The following CHML variants were observed in gnomAD, a reference collection of about 807,000 sequenced individuals.
The protein encoded by CHML is CHM like Rab escort protein, also known as rab proteins geranylgeranyltransferase component A 2.
CHML carries 20 observed loss-of-function variants against 30.4 expected under a neutral mutation model. That is an observed-to-expected ratio of 0.66 (90% CI 0.46 to 0.95). The LOEUF is 0.95. Ranked by LOEUF, CHML falls within the 40% of genes least tolerant of loss-of-function variation. The pLI is 0.00. For synonymous variants in CHML, 281 were observed against 275.0 expected (o/e 1.02, Z -0.22); for missense variants, 795 against 768.5 (o/e 1.03, Z -0.41).
rs773796568 is a variant in CHML, at chr1:241,634,069, C to T, written c.1698G>A (p.Ser566=). The T allele has an allele frequency of 9.9e-6, 16 of 1,611,912 alleles. No individual in the cohort carries two copies. Among genetic ancestry groups the T allele is most frequent in the Admixed American group, 8.4e-5 (5 of 59,604 alleles). ...AAACATTGGAAGGCAAGCCATTATA[C>T]GAGCTTCTGCTGATTCCCGAGGAAT... is the stretch of plus-strand genomic sequence containing the variant. ...MRDSSGISRS[S]YNGLPSNVYV... Residue 566 remains serine, a synonymous_variant, in exon 2 of 2, where the codon TCG becomes TCA. Coordinates refer to ENST00000366553, the MANE Select transcript of CHML (RefSeq NM_001381853.1).
rs567249722 is a variant in CHML at position 241,640,108 on chromosome 1, G to A, written c.-534C>T. The A allele has an allele frequency of 1.3e-5, 21 of 1,604,690 alleles. 2 individuals carry two copies. The Admixed American group carries it at 2.4e-4, about 18-fold the overall frequency. On this transcript the variant is annotated 5_prime_UTR_variant, in exon 1 of 2. Transcript: ENST00000366553. ...TGCCGACGCCCAGCAGCCCAATGGAGCCCAGCAGCAGCGCCAGGCGCTCGT... is the reference window on the plus strand; with the variant it reads ...TGCCGACGCCCAGCAGCCCAATGGAACCCAGCAGCAGCGCCAGGCGCTCGT...
chr1:241,639,961 G>A lies in CHML; in HGVS notation c.-387C>T, dbSNP rs1318437132. On this transcript the variant is annotated 5_prime_UTR_variant, in exon 1 of 2. Coordinates refer to ENST00000366553, the MANE Select transcript of CHML (RefSeq NM_001381853.1). ...AGCCGTTCCTCAGGCAGGACACGAAGGTAAAGGTGACCCCGAAGAGGGACA... is the reference window on the plus strand; with the variant it reads ...AGCCGTTCCTCAGGCAGGACACGAAAGTAAAGGTGACCCCGAAGAGGGACA... 6.2e-7 allele frequency: 1 copy of A among 1,611,822 alleles called. No homozygotes were observed. The highest frequency in any genetic ancestry group is 1.7e-5 in the Admixed American group (1 of 59,774).
rs1054657391 is a variant in CHML at position 241,630,943 on chromosome 1, T to C, written c.*2853A>G. The C allele has an allele frequency of 2.6e-4, 40 of 152,134 alleles. No individual in the cohort carries two copies. Among genetic ancestry groups the C allele is most frequent in the African/African-American group, 8.4e-4 (35 of 41,450 alleles). 9.4% of individuals were successfully genotyped at this position (152,134 alleles called of 1,614,324 possible). A position where few individuals can be genotyped will look rare whatever the true frequency, so the allele number is the denominator to read the frequency against. On this transcript the variant is annotated 3_prime_UTR_variant, in exon 2 of 2. Transcript: ENST00000366553. ...TGTATTGTTTGCCAATATTTTATTTTGCATTTTGCATCTGTTGAGAATAAA... is the reference window on the plus strand; with the variant it reads ...TGTATTGTTTGCCAATATTTTATTTCGCATTTTGCATCTGTTGAGAATAAA...
Position 241,630,507 on chromosome 1 carries a change from TAC to T in CHML, c.*3287_*3288del, listed in dbSNP as rs1209866619. 2.6e-5 allele frequency: 4 copies of T among 152,106 alleles called. No individual in the cohort carries two copies. Among genetic ancestry groups the T allele is most frequent in the Admixed American group, 2.6e-4 (4 of 15,268 alleles). 9.4% of individuals were successfully genotyped at this position (152,106 alleles called of 1,614,324 possible). A position where few individuals can be genotyped will look rare whatever the true frequency, so the allele number is the denominator to read the frequency against. ...AACTTCTTGAATTAGTCTTTGTTAG[TAC>T]ATTTTTATACTATAAGTTTTAGCAG... On this transcript the variant is annotated 3_prime_UTR_variant, in exon 2 of 2. Coordinates refer to ENST00000366553, the MANE Select transcript of CHML (RefSeq NM_001381853.1).
In CHML at chr1:241,640,253, A is replaced by C; in HGVS notation, c.-679T>G. 2 of 1,219,550 alleles carry C rather than the reference A, an allele frequency of 1.6e-6. No individual in the cohort carries two copies. Among genetic ancestry groups the C allele is most frequent in the Non-Finnish European group, 2.0e-6 (2 of 982,424 alleles). 75.5% of individuals were successfully genotyped at this position (1,219,550 alleles called of 1,614,324 possible). ...GCCGCCGCTGCGGTTCCCCGAGTAC[A>C]TGGCCCGGCGCCGGCGCGCCTGGCG... is the stretch of plus-strand genomic sequence containing the variant. On this transcript the variant is annotated 5_prime_UTR_variant, in exon 1 of 2. The change abolishes an upstream ATG in the 5' untranslated region. Transcript: ENST00000366553.
chr1:241,633,727 T>C lies in CHML; in HGVS notation c.*69A>G. 6.5e-7 allele frequency: 1 copy of C among 1,533,176 alleles called. No individual in the cohort carries two copies. Among genetic ancestry groups the C allele is most frequent in the Non-Finnish European group, 8.9e-7 (1 of 1,121,558 alleles). The allele number at this position is 1,533,176 out of a possible 1,614,324, so 95.0% of individuals were successfully genotyped here. A position where few individuals can be genotyped will look rare whatever the true frequency, so the allele number is the denominator to read the frequency against. On this transcript the variant is annotated 3_prime_UTR_variant, in exon 2 of 2. Coordinates refer to ENST00000366553, the MANE Select transcript of CHML (RefSeq NM_001381853.1). ...ACTTCTAATTACTCATATGGGAAAC[T>C]GTCCTTTAAATGAGAAAATTCTGAT...
rs1437148769 is a variant in CHML at position 241,639,967 on chromosome 1, G to A, written c.-393C>T. 1 of 1,612,018 alleles carries A rather than the reference G, an allele frequency of 6.2e-7. No individual in the cohort carries two copies. Among genetic ancestry groups the A allele is most frequent in the African/African-American group, 1.3e-5 (1 of 74,704 alleles). On this transcript the variant is annotated 5_prime_UTR_variant, in exon 1 of 2. Transcript: ENST00000366553. ...TCCTCAGGCAGGACACGAAGGTAAA[G>A]GTGACCCCGAAGAGGGACACCAGCA...
Position 241,629,772 on chromosome 1 carries a change from A to G in CHML, c.*4024T>C, listed in dbSNP as rs1664549446. On this transcript the variant is annotated 3_prime_UTR_variant, in exon 2 of 2. Coordinates refer to ENST00000366553, the MANE Select transcript of CHML (RefSeq NM_001381853.1). ...ATCTAATCTTTCCACACTGACATCT[A>G]GCTAGTCTTTCCACCAGCAGTTATT... The G allele has an allele frequency of 6.6e-6, 1 of 152,124 alleles. No individual in the cohort carries two copies. Among genetic ancestry groups the G allele is most frequent in the Non-Finnish European group, 1.5e-5 (1 of 67,972 alleles). The allele number at this position is 152,124 out of a possible 1,614,324, so 9.4% of individuals were successfully genotyped here.
chr1:241,631,371 G>T lies in CHML; in HGVS notation c.*2425C>A, dbSNP rs1338984357. ...ACTGAAAATCTTTTCGGTAGATCTG[G>T]AATACCTTCACCTTCATTTTATTTA... is the stretch of plus-strand genomic sequence containing the variant. On this transcript the variant is annotated 3_prime_UTR_variant, in exon 2 of 2. Coordinates refer to ENST00000366553, the MANE Select transcript of CHML (RefSeq NM_001381853.1). The T allele has an allele frequency of 6.6e-6, 1 of 151,690 alleles. No individual in the cohort carries two copies. Among genetic ancestry groups the T allele is most frequent in the Non-Finnish European group, 1.5e-5 (1 of 67,906 alleles). 9.4% of individuals were successfully genotyped at this position (151,690 alleles called of 1,614,324 possible). A position where few individuals can be genotyped will look rare whatever the true frequency, so the allele number is the denominator to read the frequency against.
rs1664740846 is a variant in CHML, at chr1:241,633,721, G to A, written c.*75C>T. 18 of 1,502,168 alleles carry A rather than the reference G, an allele frequency of 1.2e-5. No individual in the cohort carries two copies. Among genetic ancestry groups the A allele is most frequent in the Non-Finnish European group, 1.6e-5 (18 of 1,096,894 alleles). 93.1% of individuals were successfully genotyped at this position (1,502,168 alleles called of 1,614,324 possible). A position where few individuals can be genotyped will look rare whatever the true frequency, so the allele number is the denominator to read the frequency against. On this transcript the variant is annotated 3_prime_UTR_variant, in exon 2 of 2. Transcript: ENST00000366553. The stretch of plus-strand genomic sequence containing the variant: ...ATAACCACTTCTAATTACTCATATG[G>A]GAAACTGTCCTTTAAATGAGAAAAT...
At position 241,635,448 on chromosome 1, in the gene CHML, G is replaced by C; in HGVS notation, c.319C>G (p.Gln107Glu). 6.2e-7 allele frequency: 1 copy of C among 1,613,834 alleles called. No individual in the cohort carries two copies. The highest frequency in any genetic ancestry group is 8.5e-7 in the Non-Finnish European group (1 of 1,179,954). Residue 107 changes from glutamine (Q) to glutamate (E), a missense_variant, in exon 2 of 2, where the codon CAG (glutamine) becomes GAG (glutamate). Gln to Glu is a conservative substitution (Grantham distance 29, BLOSUM62 2). Transcript: ENST00000366553. ...TCTTCAACGTTGTCCTCCATATCCT[G>C]ACTGGCGTAGCAAAAAGCTTCTGTG... ...QHTEAFCYASQDMEDNVEEIG... is the reference protein window; with the variant it reads ...QHTEAFCYASEDMEDNVEEIG...
Position 241,635,562 on chromosome 1 carries a change from C to T in CHML, c.205G>A (p.Gly69Arg), listed in dbSNP as rs751361710. Residue 69 changes from glycine (G) to arginine (R), a missense_variant, in exon 2 of 2, where the codon GGG becomes AGG. Physicochemically the swap from Gly to Arg is moderately radical, Grantham distance 125. Coordinates refer to ENST00000366553, the MANE Select transcript of CHML (RefSeq NM_001381853.1). Reference sequence around the variant, plus strand: ...TGCCATACAACAGTACTTTCTTCCCCAATGTCATTGTTTTGCTGATACTCC... The same window carrying T: ...TGCCATACAACAGTACTTTCTTCCCTAATGTCATTGTTTTGCTGATACTCC... The part of the protein sequence containing the change: ...LKEYQQNNDI[G>R]EESTVVWQDL... 3 of 1,614,070 alleles carry T rather than the reference C, an allele frequency of 1.9e-6. No individual in the cohort carries two copies. Among genetic ancestry groups the T allele is most frequent in the Non-Finnish European group, 1.7e-6 (2 of 1,179,952 alleles).
At chr1:241,638,342 G>C (rs1475248580) in intron 1 of CHML, among the ~76,000 whole-genome samples, 1 of 152,064 alleles carries the variant, frequency 6.6e-6, no homozygotes. Flanking sequence ...TGAGGAAGAG[G>C]GTGGATGACA....
In CHML at chr1:241,634,518, G is replaced by C; in HGVS notation, c.1249C>G (p.Arg417Gly). The change falls in exon 2 of 2, where the codon CGA becomes GGA. Residue 417 changes from arginine to glycine, a missense_variant. By Grantham distance (125) the Arg-to-Gly change is moderately radical (BLOSUM62 -2). Coordinates refer to ENST00000366553, the MANE Select transcript of CHML (RefSeq NM_001381853.1). ...AAGTGATCTATAATTGCTTTACATC[G>C]TCCAGATTCTTTGTCGACTACAAAG... ...QCFVVDKESG[R>G]CKAIIDHFGQ... is the part of the protein sequence containing the mutation. 4 of 1,613,748 alleles carry C rather than the reference G, an allele frequency of 2.5e-6. No homozygotes were observed. The highest frequency in any genetic ancestry group is 3.4e-6 in the Non-Finnish European group (4 of 1,179,874).
In CHML at chr1:241,632,524, C is replaced by A. The variant is rs1664681480; in HGVS notation, c.*1272G>T. The A allele has an allele frequency of 6.6e-6, 1 of 152,084 alleles. No individual in the cohort carries two copies. The highest frequency in any genetic ancestry group is 1.5e-5 in the Non-Finnish European group (1 of 68,006). The allele number at this position is 152,084 out of a possible 1,614,324, so 9.4% of individuals were successfully genotyped here. The stretch of plus-strand genomic sequence containing the variant: ...AATGGAAACTGGACTAGAGGAAAAG[C>A]AAGTTCATGTCTTCTGACAGCTCCA... On this transcript the variant is annotated 3_prime_UTR_variant, in exon 2 of 2. Coordinates refer to ENST00000366553, the MANE Select transcript of CHML (RefSeq NM_001381853.1).
rs1665080859 is a variant in CHML, at chr1:241,640,336, G to GGGGCTC, written c.-768_-763dup. Reference sequence around the variant, plus strand: ...GGCGCGCTCCGCACTGGGTGGGGTTGGGGCTCCGCCGCCTGCTCTAGCCAT... The same window carrying GGGGCTC: ...GGCGCGCTCCGCACTGGGTGGGGTTGGGGCTCGGGCTCCGCCGCCTGCTCTAGCCAT... On this transcript the variant is annotated 5_prime_UTR_variant, in exon 1 of 2. Coordinates refer to ENST00000366553, the MANE Select transcript of CHML (RefSeq NM_001381853.1). 1.9e-6 allele frequency: 2 copies of GGGGCTC among 1,069,562 alleles called. No individual in the cohort carries two copies. The highest frequency in any genetic ancestry group is 2.3e-6 in the Non-Finnish European group (2 of 887,278). 66.3% of individuals were successfully genotyped at this position (1,069,562 alleles called of 1,614,324 possible). A position where few individuals can be genotyped will look rare whatever the true frequency, so the allele number is the denominator to read the frequency against.
chr1:241,635,904 A>G lies in CHML; in HGVS notation c.-138T>C, dbSNP rs1664880138. 5.1e-6 allele frequency: 4 copies of G among 777,992 alleles called. No homozygotes were observed. Among genetic ancestry groups the G allele is most frequent in the South Asian group, 2.0e-5 (1 of 49,328 alleles). 48.2% of individuals were successfully genotyped at this position (777,992 alleles called of 1,614,324 possible). A position where few individuals can be genotyped will look rare whatever the true frequency, so the allele number is the denominator to read the frequency against. On this transcript the variant is annotated 5_prime_UTR_variant, in exon 2 of 2. The change abolishes the stop of an existing upstream ORF in the 5' untranslated region. Coordinates refer to ENST00000366553, the MANE Select transcript of CHML (RefSeq NM_001381853.1). ...TGCAGGTCCTAGCTGTTTAACGGTT[A>G]CCCTTTTAAAATATTTTTTTTCTTA...
rs778819750 is a variant in CHML, at chr1:241,635,245, T to C, written c.522A>G (p.Glu174=). The change falls in exon 2 of 2, where the codon GAA becomes GAG. Residue 174 remains glutamate (E), a synonymous_variant. Coordinates refer to ENST00000366553, the MANE Select transcript of CHML (RefSeq NM_001381853.1). The stretch of plus-strand genomic sequence containing the variant: ...CACAATACTTTTCCTTCTCCACTGA[T>C]TCCTCTACATCAGTTACTTCTAGTG... ...EISLEVTDVE[E]SVEKEKYCGD... 1.9e-6 allele frequency: 3 copies of C among 1,613,908 alleles called. No homozygotes were observed. Among genetic ancestry groups the C allele is most frequent in the South Asian group, 2.2e-5 (2 of 91,082 alleles).
At position 241,635,484 on chromosome 1, in the gene CHML, T is replaced by C. The variant is rs760303618; in HGVS notation, c.283A>G (p.Thr95Ala). 6.2e-7 allele frequency: 1 copy of C among 1,613,900 alleles called. No homozygotes were observed. Among genetic ancestry groups the C allele is most frequent in the Non-Finnish European group, 8.5e-7 (1 of 1,179,970 alleles). The change falls in exon 2 of 2, where the codon ACT (threonine) becomes GCT (alanine). Residue 95 changes from threonine to alanine, a missense_variant. Thr to Ala is a moderately conservative substitution (Grantham distance 58, BLOSUM62 0). Coordinates refer to ENST00000366553, the MANE Select transcript of CHML (RefSeq NM_001381853.1). ...CAAAAAGCTTCTGTGTGTTGAATAGTTTCATCCTTCTTGCGAAGAGTGATG... is the reference window on the plus strand; with the variant it reads ...CAAAAAGCTTCTGTGTGTTGAATAGCTTCATCCTTCTTGCGAAGAGTGATG... Reference protein sequence around the residue: ...EAITLRKKDETIQHTEAFCYA... With the variant: ...EAITLRKKDEAIQHTEAFCYA...
Sources: gnomAD v4.1 joint callset for allele counts (sites outside exome capture counted in the v4.1 genomes callset) on GRCh38, gnomAD v4.1.1 for gene constraint, MANE v1.5 for transcripts, NCBI Gene and HGNC (gene_info 2026-07-23, HGNC 2026-07-21) for gene names.